RBFOX1: variants seen among roughly 807,000 people sequenced by gnomAD.
RBFOX1 encodes the protein RNA binding fox-1 homolog 1.
Under a neutral mutation model 57.7 loss-of-function variants are expected in RBFOX1, and 8 were observed. That is an observed-to-expected ratio of 0.14 (90% CI 0.08 to 0.25). The LOEUF (loss-of-function observed/expected upper bound fraction) is 0.25. Among genes scored for constraint, RBFOX1 ranks in the 10% least tolerant of loss-of-function variants. RBFOX1 has a pLI of 1.00. For missense variants in RBFOX1, 611 were observed against 548.5 expected, an observed-to-expected ratio of 1.11 and a Z score of -1.14; for synonymous variants, 326 against 222.4, an observed-to-expected ratio of 1.47 and a Z score of -4.15.
At chr16:6,835,075 T>C (rs897332265) in intron 3 of RBFOX1, among the ~76,000 whole-genome samples, 1 of 152,020 alleles carries the variant, frequency 6.6e-6, no homozygotes, top group Non-Finnish European at 1.5e-5. Context: ...TTATATTTTT[T>C]AGTAGAGACG....
At chr16:6,830,428 T>C (rs2092624119) in intron 3 of RBFOX1, among the ~76,000 whole-genome samples, 2 of 152,074 alleles carry the variant, frequency 1.3e-5, no homozygotes, top group Non-Finnish European at 2.9e-5. Context: ...TGAAGAAAAA[T>C]GTCACAGGGA....
At position 7,574,087 on chromosome 16, in the gene RBFOX1, C is replaced by G. The variant is rs189286835; in HGVS notation, c.271-5690C>G. Among the ~76,000 whole-genome samples the G allele has an allele frequency of 7.2e-4, 109 of 152,230 alleles. 1 individual carries two copies. The highest frequency in any genetic ancestry group is 1.1e-3 in the Non-Finnish European group (72 of 68,022). ...TCTCAGGGATGCTATAATGACTTCT[C>G]AAGTTGAATGAGGCACACTAGTAGG... On this transcript the variant is annotated intron_variant, in intron 5 of 15. Transcript: ENST00000550418.
chr16:7,480,611 G>A (rs538235394), intron 4 of RBFOX1, among the ~76,000 whole-genome samples: 4 of 152,236 alleles, frequency 2.6e-5, no homozygotes, highest in South Asian at 4.1e-4. Flanking sequence ...TTTCATCTGC[G>A]GATTCCCTCT....
intron 1 of RBFOX1, among the ~76,000 whole-genome samples, chr16:6,167,095 G>C (rs1190931037): frequency 1.3e-5 from 2 of 152,202 alleles, no homozygotes; most frequent in East Asian, 3.9e-4. Flanking sequence ...TGGGAGTCAA[G>C]GCGAGATGAT....
At chr16:6,361,259 C>G (rs2088449980) in intron 2 of RBFOX1, among the ~76,000 whole-genome samples, 1 of 152,104 alleles carries the variant, frequency 6.6e-6, no homozygotes, top group South Asian at 2.1e-4. Context: ...AAGCACTGCT[C>G]AGCAGGGCAA....
chr16:6,768,255 AC>A (rs2077697534), intron 3 of RBFOX1, among the ~76,000 whole-genome samples: 1 of 152,050 alleles, frequency 6.6e-6, no homozygotes, highest in African/African-American at 2.4e-5. Context: ...TACTCCATAT[AC>A]TTTTTTTTCC....
chr16:7,268,291 C>G (rs1039887190), intron 4 of RBFOX1, among the ~76,000 whole-genome samples: 1 of 152,134 alleles, frequency 6.6e-6, no homozygotes, highest in East Asian at 1.9e-4. Flanking sequence ...ATTTTGGGTG[C>G]TATTCAGGGA....
chr16:7,015,758 TC>T (rs1203583763), intron 3 of RBFOX1, among the ~76,000 whole-genome samples: 5 of 152,148 alleles, frequency 3.3e-5, no homozygotes, highest in African/African-American at 4.8e-5. Flanking sequence ...AATAACATTT[TC>T]TTTTTTTTTC....
chr16:7,583,853 A>T (rs1019902898), intron 6 of RBFOX1, among the ~76,000 whole-genome samples: 1 of 152,092 alleles, frequency 6.6e-6, no homozygotes, highest in African/African-American at 2.4e-5. Context: ...CCAAAACAAA[A>T]TATAGGTCCT....
chr16:7,709,859 C>T, intron 15 of RBFOX1: 2 of 1,174,376 alleles, frequency 1.7e-6, no homozygotes, highest in Non-Finnish European at 2.1e-6. Flanking sequence ...ACGTGCCCAT[C>T]ACGTGAGAGC....
chr16:6,735,775 G>C (rs1282338726), intron 3 of RBFOX1, among the ~76,000 whole-genome samples: 3 of 152,192 alleles, frequency 2.0e-5, no homozygotes, highest in Non-Finnish European at 2.9e-5. Context: ...CATGGGTGGT[G>C]ATCTGTGGTT....
chr16:5,426,566 T>A (rs2067566537), intron 1 of RBFOX1, among the ~76,000 whole-genome samples: 2 of 152,164 alleles, frequency 1.3e-5, no homozygotes, highest in African/African-American at 4.8e-5. Flanking sequence ...TTTCCCTCTT[T>A]TTGTTACTGA....
chr16:6,805,281 G>C (rs1353521808), intron 3 of RBFOX1, among the ~76,000 whole-genome samples: 6 of 152,114 alleles, frequency 3.9e-5, no homozygotes, highest in Non-Finnish European at 7.4e-5. Context: ...AGCAAACTAT[G>C]ACAGGAACAA....
chr16:5,594,968 C>T (rs961186993), intron 2 of RBFOX1, among the ~76,000 whole-genome samples: 2 of 66,556 alleles, frequency 3.0e-5, no homozygotes, highest in Non-Finnish European at 5.2e-5. Context: ...CCTGTCTCTA[C>T]TAAAAAAAAA....
At chr16:6,873,774 A>G (rs1401934195) in intron 3 of RBFOX1, 1 of 152,154 alleles carries the variant, frequency 6.6e-6, no homozygotes, top group African/African-American at 2.4e-5. Context: ...TTGCTTAATT[A>G]TTGCAGCAAC....
intron 2 of RBFOX1, among the ~76,000 whole-genome samples, chr16:5,581,190 C>G (rs1311968785): frequency 6.6e-6 from 1 of 152,060 alleles, no homozygotes; most frequent in Non-Finnish European, 1.5e-5. Flanking sequence ...AGAAAAGAAA[C>G]TAGAAGCTAA....
At chr16:7,278,038 A>G (rs1003955420) in intron 4 of RBFOX1, among the ~76,000 whole-genome samples, 2 of 152,170 alleles carry the variant, frequency 1.3e-5, no homozygotes, top group Admixed American at 6.5e-5. Context: ...AATGCAGAAT[A>G]ATGCTAGCAT....
intron 4 of RBFOX1, chr16:7,333,128 A>G: frequency 6.4e-7 from 1 of 1,566,534 alleles, no homozygotes; most frequent in East Asian, 2.2e-5. Context: ...TTAACTCCAG[A>G]GTGCTCAGAG....
rs558240234 is a variant in RBFOX1, at chr16:5,751,979, G to A, written c.319-115324G>A. 7.1e-4 allele frequency among the ~76,000 whole-genome samples: 108 copies of A among 152,246 alleles called. 1 individual carries two copies. In the South Asian group the frequency reaches 0.016, roughly 23 times the overall value. On this transcript the variant is annotated intron_variant, in intron 3 of 19. Transcript: ENST00000641259. ...ATTATAAAGATACATGCATGTGTATGTTCATTGTACACTATTCACAATAGC... is the reference window on the plus strand; with the variant it reads ...ATTATAAAGATACATGCATGTGTATATTCATTGTACACTATTCACAATAGC...
Sources: allele counts gnomAD v4.1 joint callset (sites outside exome capture counted in the v4.1 genomes callset), GRCh38; gene constraint gnomAD v4.1.1; transcripts MANE v1.5; gene names NCBI Gene and HGNC (gene_info 2026-07-23, HGNC 2026-07-21).